The following NBPF12 variants were observed in gnomAD, a reference collection of about 807,000 sequenced individuals.
NBPF12 encodes NBPF member 12.
NBPF12 carries 115 observed loss-of-function variants against 146.4 expected under a neutral mutation model. The ratio of observed to expected loss-of-function variants is 0.79; its 90% CI spans 0.68 to 0.92. The LOEUF (loss-of-function observed/expected upper bound fraction) is 0.92, where lower values mean the gene tolerates loss of function less well. Ranked by LOEUF, NBPF12 falls within the 40% of genes least tolerant of loss-of-function variation. The pLI, the probability that NBPF12 is intolerant of heterozygous loss-of-function variation, is 0.00. For missense variants in NBPF12, 1,205 were observed against 1,326.8 expected (o/e 0.91, Z 1.43); for synonymous variants, 385 against 508.9 (o/e 0.76, Z 3.28).
exon 5 of NBPF12, chr1:146,962,245 A>G: frequency 6.2e-7 from 1 of 1,605,906 alleles, no homozygotes; most frequent in Non-Finnish European, 8.5e-7. Flanking sequence ...GAGCAGCTGA[A>G]ACAAGCTGAG....
intron 19 of NBPF12, among the ~76,000 whole-genome samples, chr1:146,980,685 C>G (rs1657314604): frequency 6.6e-6 from 1 of 151,820 alleles, no homozygotes; most frequent in African/African-American, 2.4e-5. Flanking sequence ...GTTGGTGGGA[C>G]TGTAAACTAG....
At chr1:146,965,828 A>C (rs1156357858) in intron 8 of NBPF12, among the ~76,000 whole-genome samples, 1 of 130,846 alleles carries the variant, frequency 7.6e-6, no homozygotes, top group Non-Finnish European at 1.6e-5. Context: ...AAAGTCTCTG[A>C]CCAGGGGCGC....
chr1:146,971,057 G>A (rs1210633159), intron 12 of NBPF12, 126 bp from the exon 16 acceptor site: 1 of 1,475,322 alleles, frequency 6.8e-7, no homozygotes, highest in African/African-American at 1.4e-5. Flanking sequence ...CCTCTTAAAG[G>A]GAACCTCCAT....
intron 10 of NBPF12, 56 bp downstream of exon 13, chr1:146,968,606 C>G (rs1553885938): frequency 2.3e-5 from 35 of 1,518,576 alleles, no homozygotes; most frequent in African/African-American, 1.4e-4. Flanking sequence ...CTCTGAAGTA[C>G]AACAGCTCGG....
rs1198895348 is a variant in NBPF12, at chr1:146,987,570, A to G, written c.3116+285A>G. ...CATTTTATGGAAAATTATTGAGCACAGTCTTTTCATGATCACTGTATGCTG... is the reference window on the plus strand; with the variant it reads ...CATTTTATGGAAAATTATTGAGCACGGTCTTTTCATGATCACTGTATGCTG... On this transcript the variant is annotated intron_variant, in intron 25 of 33. Transcript: ENST00000617844. 9.9e-5 allele frequency among the ~76,000 whole-genome samples: 15 copies of G among 152,070 alleles called. No individual in the cohort carries two copies. The East Asian group carries it at 2.7e-3, about 28-fold the overall frequency.
intron 8 of NBPF12, among the ~76,000 whole-genome samples, chr1:146,966,125 CA>C (rs1656190679): frequency 6.6e-6 from 1 of 151,584 alleles, no homozygotes; most frequent in Non-Finnish European, 1.5e-5. Flanking sequence ...AACAAAAAAC[CA>C]AAAAAGAAAA....
intron 11 of NBPF12, among the ~76,000 whole-genome samples, chr1:146,969,959 T>C (rs1305234750): frequency 6.6e-6 from 1 of 150,646 alleles, no homozygotes; most frequent in Non-Finnish European, 1.5e-5. Context: ...TCTTAGTAAG[T>C]GTCGGTGAGT....
chr1:146,964,848 T>A (rs1559520890), intron 7 of NBPF12, 45 bp from the exon 11 acceptor site: 1 of 1,567,498 alleles, frequency 6.4e-7, no homozygotes, highest in South Asian at 1.1e-5. Flanking sequence ...GTCCAATCCC[T>A]CTGTGTTTAA....
At chr1:146,939,195 G>A (rs1422115523) in intron 1 of NBPF12, among the ~76,000 whole-genome samples, 183 bp downstream of exon 1, 3 of 152,020 alleles carry the variant, frequency 2.0e-5, no homozygotes, top group African/African-American at 4.8e-5. Flanking sequence ...CCCTCCTCTC[G>A]TGGGCGCTGG....
chr1:146,969,300 G>T, intron 10 of NBPF12, 82 bp from the exon 14 acceptor site: 1 of 694,686 alleles, frequency 1.4e-6, no homozygotes, highest in Non-Finnish European at 2.5e-6. Context: ...TGAGGACATT[G>T]TCTCAGAAAT....
chr1:146,955,078 CAA>C (rs1311445378), intron 2 of NBPF12, among the ~76,000 whole-genome samples: 2 of 100,928 alleles, frequency 2.0e-5, no homozygotes, highest in Non-Finnish European at 4.0e-5. Flanking sequence ...AACAATTTCT[CAA>C]AAGACTTGAA....
At chr1:146,966,382 A>T in intron 8 of NBPF12, 82 bp from the exon 12 acceptor site, 2 of 1,158,684 alleles carry the variant, frequency 1.7e-6, no homozygotes, top group East Asian at 2.3e-5. Context: ...CAAGGCTGCC[A>T]GTGACATCCC....
exon 28 of NBPF12, chr1:146,989,690 G>A: frequency 1.2e-6 from 2 of 1,611,732 alleles, no homozygotes; most frequent in Non-Finnish European, 1.7e-6. Context: ...CAGCCCTACA[G>A]AAGTGCCTTT....
chr1:146,960,961 C>T (rs1655810405), intron 4 of NBPF12, among the ~76,000 whole-genome samples: 1 of 152,072 alleles, frequency 6.6e-6, no homozygotes. Flanking sequence ...GCCTGGGCAA[C>T]ATGGAGAAAC....
At chr1:146,972,425 A>G (rs1338733487) in intron 13 of NBPF12, among the ~76,000 whole-genome samples, 1 of 148,782 alleles carries the variant, frequency 6.7e-6, no homozygotes, top group African/African-American at 2.5e-5. Context: ...AAAAGAAAAA[A>G]ATTAAAAAAG....
chr1:146,970,615 A>C (rs1396705718), intron 11 of NBPF12, 32 bp from the exon 15 acceptor site: 1 of 1,568,342 alleles, frequency 6.4e-7, no homozygotes, highest in Admixed American at 1.7e-5. Context: ...TGTGAAGTGG[A>C]AAATATCTGA....
intron 25 of NBPF12, among the ~76,000 whole-genome samples, chr1:146,987,731 GTT>G (rs1657874398): frequency 6.7e-6 from 1 of 149,876 alleles, no homozygotes; most frequent in Admixed American, 6.6e-5. Flanking sequence ...TTGTGTGTGT[GTT>G]TGTGTGTGTG....
At chr1:146,962,857 A>G (rs1420361400) in intron 5 of NBPF12, among the ~76,000 whole-genome samples, 1 of 151,346 alleles carries the variant, frequency 6.6e-6, no homozygotes, top group Non-Finnish European at 1.5e-5. Context: ...CTTTGTTTAC[A>G]GAAGAGAAAG....
At chr1:146,952,545 T>A (rs1655369596) in intron 2 of NBPF12, among the ~76,000 whole-genome samples, 2 of 150,816 alleles carry the variant, frequency 1.3e-5, no homozygotes, top group African/African-American at 4.9e-5. Flanking sequence ...GGTTGAGTGC[T>A]TTATGCTGAG....
Sources: gnomAD v4.1 joint callset for allele counts (sites outside exome capture counted in the v4.1 genomes callset) on GRCh38, gnomAD v4.1.1 for gene constraint, MANE v1.5 for transcripts, NCBI Gene and HGNC (gene_info 2026-07-23, HGNC 2026-07-21) for gene names.